SIPA1L3: variants seen among roughly 807,000 people sequenced by gnomAD.
SIPA1L3 encodes the protein signal-induced proliferation-associated 1-like protein 3.
SIPA1L3 carries 59 observed loss-of-function variants against 150.1 expected under a neutral mutation model. The observed-to-expected ratio is 0.39, with a 90% CI of 0.32 to 0.49. The LOEUF is 0.49. Among genes scored for constraint, SIPA1L3 ranks in the 20% least tolerant of loss-of-function variants. The pLI is 0.86. For synonymous variants in SIPA1L3, 1,070 were observed against 1,077.6 expected (o/e 0.99, Z 0.14); for missense variants, 2,211 against 2,489.5 (o/e 0.89, Z 2.38).
chr19:38,142,687 G>A lies in SIPA1L3; in HGVS notation c.3510G>A (p.Val1170=). Reference sequence around the variant, plus strand: ...CCACCCCCGGTTCGGCCACCTACGTGAGATACAAGCCATCCCCAGAAAGGT... The same window carrying A: ...CCACCCCCGGTTCGGCCACCTACGTAAGATACAAGCCATCCCCAGAAAGGT... ...SFSTPGSATY[V]RYKPSPERYT... is the part of the protein sequence containing the mutation. The change falls in exon 12 of 22, where the codon GTG becomes GTA. Residue 1170 remains valine, a synonymous_variant. Coordinates refer to ENST00000222345, the MANE Select transcript of SIPA1L3 (RefSeq NM_015073.3). The A allele has an allele frequency of 6.2e-7, 1 of 1,613,932 alleles. No homozygotes were observed. The highest frequency in any genetic ancestry group is 8.5e-7 in the Non-Finnish European group (1 of 1,179,906).
chr19:37,935,614 A>G (rs999946224), intron 1 of SIPA1L3, among the ~76,000 whole-genome samples: 1 of 152,030 alleles, frequency 6.6e-6, no homozygotes, highest in Admixed American at 6.6e-5. Context: ...CAGAGGGTGG[A>G]TGGGGTTGGA....
intron 14 of SIPA1L3, among the ~76,000 whole-genome samples, chr19:38,162,981 G>A (rs1434499278): frequency 1.3e-5 from 2 of 152,220 alleles, no homozygotes; most frequent in Non-Finnish European, 2.9e-5. Flanking sequence ...GAAGGCTGGG[G>A]ATGTAGTCCT....
chr19:38,139,393 T>C (rs1186511998), intron 10 of SIPA1L3, among the ~76,000 whole-genome samples: 3 of 152,104 alleles, frequency 2.0e-5, no homozygotes, highest in African/African-American at 4.8e-5. Flanking sequence ...AGACCTGTTA[T>C]CAGGAGAGGG....
Position 38,164,919 on chromosome 19 carries a change from AC to A in SIPA1L3, c.4208+15del, listed in dbSNP as rs1972177568. ...CGAGGCAGCCCAGGTAAGCTGTTGC[AC>A]CTAGTCTGGGTTCTAACCACCTTCC... On this transcript the variant is annotated intron_variant, in intron 15 of 21. Transcript: ENST00000222345. The surrounding 1 kb of genome is among the most constrained non-coding windows in gnomAD (Gnocchi z 4.1). 1 of 1,519,838 alleles carries A rather than the reference AC, an allele frequency of 6.6e-7. No homozygotes were observed. Among genetic ancestry groups the A allele is most frequent in the Non-Finnish European group, 8.8e-7 (1 of 1,134,840 alleles). The allele number at this position is 1,519,838 out of a possible 1,614,324, so 94.1% of individuals were successfully genotyped here.
chr19:38,059,113 G>A (rs1241338223), intron 2 of SIPA1L3, among the ~76,000 whole-genome samples: 1 of 148,686 alleles, frequency 6.7e-6, no homozygotes, highest in East Asian at 2.0e-4. Context: ...TGATCCTCCC[G>A]CCTCAGCTTC....
intron 1 of SIPA1L3, among the ~76,000 whole-genome samples, chr19:37,909,579 G>A (rs1321446540): frequency 1.3e-5 from 2 of 152,180 alleles, no homozygotes; most frequent in Non-Finnish European, 2.9e-5. Context: ...ATTAATAAGG[G>A]CAAGAAGATG....
intron 1 of SIPA1L3, among the ~76,000 whole-genome samples, chr19:38,008,794 A>G (rs946670814): frequency 4.0e-5 from 6 of 151,482 alleles, no homozygotes; most frequent in African/African-American, 9.7e-5. Flanking sequence ...TCCTGGCCTC[A>G]AGCAATCTCC....
intron 7 of SIPA1L3, among the ~76,000 whole-genome samples, chr19:38,107,647 AT>A (rs2145871858): frequency 6.6e-6 from 1 of 152,234 alleles, no homozygotes; most frequent in African/African-American, 2.4e-5. Flanking sequence ...TCAAATATTG[AT>A]TTCCTAAGGT....
rs776700153 is a variant in SIPA1L3 at position 38,164,643 on chromosome 19, C to T, written c.3945C>T (p.Leu1315=). 8.1e-6 allele frequency: 13 copies of T among 1,614,096 alleles called. No homozygotes were observed. The African/African-American group carries it at 9.3e-5, about 12-fold the overall frequency. Residue 1315 remains leucine, a synonymous_variant, in exon 15 of 22, where the codon CTC becomes CTT. Coordinates refer to ENST00000222345, the MANE Select transcript of SIPA1L3 (RefSeq NM_015073.3). The surrounding 1 kb of genome is among the most constrained non-coding windows in gnomAD (Gnocchi z 4.1). ...GSSDSGIDTT[L]YTSSPSCMSL... is the part of the protein sequence containing the mutation. Reference sequence around the variant, plus strand: ...GTGACAGCGGCATCGACACCACCCTCTACACCTCCAGCCCTAGCTGCATGT... The same window carrying T: ...GTGACAGCGGCATCGACACCACCCTTTACACCTCCAGCCCTAGCTGCATGT...
At chr19:38,039,996 G>A (rs772797910) in intron 2 of SIPA1L3, among the ~76,000 whole-genome samples, 72 of 152,020 alleles carry the variant, frequency 4.7e-4, no homozygotes, top group Non-Finnish European at 7.5e-4. Flanking sequence ...GCCTGTGGTC[G>A]CAGCTACTTG....
intron 1 of SIPA1L3, among the ~76,000 whole-genome samples, chr19:37,985,172 C>A (rs1187421702): frequency 3.3e-5 from 5 of 151,530 alleles, no homozygotes; most frequent in African/African-American, 9.7e-5. Flanking sequence ...GAGCAAGATT[C>A]TATCTCTTAA....
intron 14 of SIPA1L3, among the ~76,000 whole-genome samples, chr19:38,163,627 G>A (rs540701130): frequency 1.3e-3 from 193 of 152,112 alleles, no homozygotes; most frequent in African/African-American, 4.2e-3. Flanking sequence ...GGAGGCCCAC[G>A]AAGATCTCTC....
chr19:38,183,832 A>T (rs951807317), intron 16 of SIPA1L3, among the ~76,000 whole-genome samples: 1 of 151,830 alleles, frequency 6.6e-6, no homozygotes, highest in East Asian at 1.9e-4. Flanking sequence ...GGCCAGGGCC[A>T]GGAGAGGCGG....
In SIPA1L3 at chr19:38,130,396, G is replaced by A. The variant is rs541355727; in HGVS notation, c.2869-102G>A. The stretch of plus-strand genomic sequence containing the variant: ...CCCGGGAAGGTATTAATAGATGGGA[G>A]TTGGCAGGTTTTTGGCTTCAAAGCG... On this transcript the variant is annotated intron_variant, in intron 9 of 21. Transcript: ENST00000222345. 3.8e-5 allele frequency: 47 copies of A among 1,238,294 alleles called. 1 individual carries two copies. In the South Asian group the frequency reaches 6.3e-4, roughly 17 times the overall value. 76.7% of individuals were successfully genotyped at this position (1,238,294 alleles called of 1,614,324 possible).
At chr19:38,057,474 A>G (rs1242330865) in intron 2 of SIPA1L3, among the ~76,000 whole-genome samples, 1 of 151,854 alleles carries the variant, frequency 6.6e-6, no homozygotes, top group African/African-American at 2.4e-5. Context: ...TGCATAGCCT[A>G]TAGATGTTTA....
chr19:38,037,234 G>A (rs1273279263), intron 2 of SIPA1L3, among the ~76,000 whole-genome samples: 1 of 152,108 alleles, frequency 6.6e-6, no homozygotes, highest in African/African-American at 2.4e-5. Context: ...GGCCGTGACA[G>A]CATATCTGAG....
At chr19:38,125,370 T>G (rs1971148335) in intron 9 of SIPA1L3, among the ~76,000 whole-genome samples, 1 of 152,054 alleles carries the variant, frequency 6.6e-6, no homozygotes, top group Non-Finnish European at 1.5e-5. Context: ...CTACTCCGCC[T>G]CCCCTAATCT....
At chr19:38,123,404 A>T (rs1369419488) in intron 9 of SIPA1L3, among the ~76,000 whole-genome samples, 1 of 148,892 alleles carries the variant, frequency 6.7e-6, no homozygotes, top group African/African-American at 2.5e-5. Flanking sequence ...TAGGCAGAGG[A>T]CCCTGCGGCC....
intron 1 of SIPA1L3, among the ~76,000 whole-genome samples, chr19:37,997,156 C>T (rs1476511410): frequency 1.3e-5 from 2 of 152,132 alleles, no homozygotes; most frequent in Admixed American, 1.3e-4. Context: ...TAATAGATAC[C>T]TTCGTCTTCT....
Sources: gnomAD v4.1 joint callset for allele counts (sites outside exome capture counted in the v4.1 genomes callset) on GRCh38, gnomAD v4.1.1 for gene constraint, Gnocchi (gnomAD v3.1) non-coding constraint, MANE v1.5 for transcripts, NCBI Gene and HGNC (gene_info 2026-07-23, HGNC 2026-07-21) for gene names.